Variants in CLDN12 observed in about 807,000 individuals in gnomAD.
CLDN12 encodes the protein claudin-12.
In CLDN12, 9 loss-of-function variants were observed where a neutral mutation model predicts 15.5. That is an observed-to-expected ratio of 0.58 (90% CI 0.35 to 1.02). The LOEUF is 1.02. CLDN12 is among the 50% of genes least tolerant of loss of function. The pLI, the probability that CLDN12 is intolerant of heterozygous loss-of-function variation, is 0.02. For missense variants in CLDN12, 233 were observed against 297.3 expected, an observed-to-expected ratio of 0.78 and a Z score of 1.59; for synonymous variants, 140 against 121.6, an observed-to-expected ratio of 1.15 and a Z score of -1.00.
At chr7:90,410,134 G>C (rs1796930352) in intron 2 of CLDN12, among the ~76,000 whole-genome samples, 1 of 150,976 alleles carries the variant, frequency 6.6e-6, no homozygotes, top group African/African-American at 2.5e-5. Context: ...AAGACCACCA[G>C]AGAGCTGTAT....
intron 2 of CLDN12, among the ~76,000 whole-genome samples, chr7:90,406,944 T>G (rs1438198064): frequency 6.6e-6 from 1 of 152,204 alleles, no homozygotes; most frequent in Non-Finnish European, 1.5e-5. Flanking sequence ...AAAAAAACTA[T>G]ATATTGTTTA....
chr7:90,405,328 TG>T (rs1796813820), intron 1 of CLDN12, among the ~76,000 whole-genome samples, 190 bp from the exon 2 acceptor site: 1 of 152,206 alleles, frequency 6.6e-6, no homozygotes, highest in South Asian at 2.1e-4. Flanking sequence ...CCCAAAGTGT[TG>T]GGATTACAGG....
Position 90,413,120 on chromosome 7 carries a change from C to T in CLDN12, c.444C>T (p.Leu148=). 6.2e-7 allele frequency: 1 copy of T among 1,614,210 alleles called. No individual in the cohort carries two copies. The part of the protein sequence containing the change: ...LLFFLAGTVS[L]SPSIWVIFYN... Reference sequence around the variant, plus strand: ...TTTTCCTGGCAGGTACTGTGAGCCTCTCCCCATCTATCTGGGTCATCTTTT... The same window carrying T: ...TTTTCCTGGCAGGTACTGTGAGCCTTTCCCCATCTATCTGGGTCATCTTTT... The change falls in exon 4 of 4, where the codon CTC becomes CTT. Residue 148 remains leucine (L), a synonymous_variant. Transcript: ENST00000496677.
intron 1 of CLDN12, among the ~76,000 whole-genome samples, chr7:90,404,630 A>G (rs1796797438): frequency 6.6e-6 from 1 of 151,968 alleles, no homozygotes; most frequent in Admixed American, 6.6e-5. Context: ...TGTAAAAGAA[A>G]ATTTCTTTTA....
chr7:90,403,602 G>C (rs940000511), intron 1 of CLDN12, 53 bp downstream of exon 1: 2 of 152,176 alleles, frequency 1.3e-5, no homozygotes, highest in Non-Finnish European at 2.9e-5. Context: ...AAGTAACTGA[G>C]GATTTTATGT....
chr7:90,413,457 T>C lies in CLDN12; in HGVS notation c.*46T>C. 2 of 1,582,782 alleles carry C rather than the reference T, an allele frequency of 1.3e-6. No individual in the cohort carries two copies. Among genetic ancestry groups the C allele is most frequent in the Non-Finnish European group, 1.7e-6 (2 of 1,163,692 alleles). On this transcript the variant is annotated 3_prime_UTR_variant, in exon 4 of 4. Transcript: ENST00000496677. ...AAAGAAAACTTCTTGTAGCCTCACA[T>C]TCCCCTTGTGCAAAGAGCTCTTTTG...
chr7:90,407,472 C>A (rs1023072758), intron 2 of CLDN12, among the ~76,000 whole-genome samples: 5 of 152,138 alleles, frequency 3.3e-5, no homozygotes, highest in Admixed American at 3.3e-4. Context: ...GGAACTGAGA[C>A]TAAATTTCTG....
chr7:90,411,768 G>A (rs1796968453), intron 2 of CLDN12, among the ~76,000 whole-genome samples: 1 of 152,126 alleles, frequency 6.6e-6, no homozygotes, highest in South Asian at 2.1e-4. Context: ...AGTGTGCCTA[G>A]TACATAGGAA....
At chr7:90,410,474 T>A (rs1173992512) in intron 2 of CLDN12, among the ~76,000 whole-genome samples, 1 of 152,248 alleles carries the variant, frequency 6.6e-6, no homozygotes. Flanking sequence ...CATTTATATA[T>A]GCTATTTGTG....
chr7:90,408,235 G>A (rs1796882080), intron 2 of CLDN12, among the ~76,000 whole-genome samples: 1 of 152,254 alleles, frequency 6.6e-6, no homozygotes, highest in East Asian at 1.9e-4. Context: ...AGGCATGGTG[G>A]CTTACTTTTG....
rs978863706 is a variant in CLDN12, at chr7:90,415,027, T to C, written c.*1616T>C. On this transcript the variant is annotated 3_prime_UTR_variant, in exon 4 of 4. Coordinates refer to ENST00000496677, the MANE Select transcript of CLDN12 (RefSeq NM_001185072.3). ...CAGATTTTACAAACAGCTAGTTATATGGTAAACAGATTATTATGCCTTTTT... is the reference window on the plus strand; with the variant it reads ...CAGATTTTACAAACAGCTAGTTATACGGTAAACAGATTATTATGCCTTTTT... 5 of 167,020 alleles carry C rather than the reference T, an allele frequency of 3.0e-5. No homozygotes were observed. The highest frequency in any genetic ancestry group is 4.4e-5 in the Non-Finnish European group (3 of 68,118). 10.3% of individuals were successfully genotyped at this position (167,020 alleles called of 1,614,324 possible). A position where few individuals can be genotyped will look rare whatever the true frequency, so the allele number is the denominator to read the frequency against.
chr7:90,409,507 C>T (rs1178599032), intron 2 of CLDN12, among the ~76,000 whole-genome samples: 3 of 152,188 alleles, frequency 2.0e-5, no homozygotes, highest in South Asian at 2.1e-4. Context: ...CAGGCATGAG[C>T]CAATTCGCCC....
At chr7:90,404,927 A>G (rs1444955939) in intron 1 of CLDN12, among the ~76,000 whole-genome samples, 2 of 149,974 alleles carry the variant, frequency 1.3e-5, no homozygotes, top group East Asian at 1.9e-4. Context: ...GATCATTGCT[A>G]TGTCATCCAG....
chr7:90,411,702 T>G (rs1796967081), intron 2 of CLDN12, among the ~76,000 whole-genome samples: 1 of 151,922 alleles, frequency 6.6e-6, no homozygotes, highest in South Asian at 2.1e-4. Context: ...ATTGTTCTCA[T>G]CTTTTCATTT....
rs1485051455 is a variant in CLDN12, at chr7:90,415,857, A to G, written c.*2446A>G. The stretch of plus-strand genomic sequence containing the variant: ...AAGTTTACTTTACTTGTACATATAC[A>G]CTACAATGGATAGTATATTTGCTGT... On this transcript the variant is annotated 3_prime_UTR_variant, in exon 4 of 4. Transcript: ENST00000496677. 1 of 167,060 alleles carries G rather than the reference A, an allele frequency of 6.0e-6. No homozygotes were observed. Among genetic ancestry groups the G allele is most frequent in the African/African-American group, 2.4e-5 (1 of 41,468 alleles). The allele number at this position is 167,060 out of a possible 1,614,324, so 10.3% of individuals were successfully genotyped here.
Position 90,412,887 on chromosome 7 carries a change from G to A in CLDN12, c.211G>A (p.Asp71Asn), listed in dbSNP as rs368401578. The change falls in exon 4 of 4, where the codon GAC becomes AAC. Residue 71 changes from aspartate (D) to asparagine (N), a missense_variant. Physicochemically the swap from Asp to Asn is conservative, Grantham distance 23. Coordinates refer to ENST00000496677, the MANE Select transcript of CLDN12 (RefSeq NM_001185072.3). Reference protein sequence around the residue: ...YDGSSDCLMYDTTWYSSVDQL... With the variant: ...YDGSSDCLMYNTTWYSSVDQL... ...CGGGAGCAGTGACTGCCTGATGTACGACACTACTTGGTACTCATCAGTTGA... is the reference window on the plus strand; with the variant it reads ...CGGGAGCAGTGACTGCCTGATGTACAACACTACTTGGTACTCATCAGTTGA... 6.2e-6 allele frequency: 10 copies of A among 1,614,200 alleles called. No individual in the cohort carries two copies. Among genetic ancestry groups the A allele is most frequent in the African/African-American group, 2.7e-5 (2 of 75,054 alleles).
At chr7:90,409,369 G>A (rs772799227) in intron 2 of CLDN12, among the ~76,000 whole-genome samples, 3 of 151,986 alleles carry the variant, frequency 2.0e-5, no homozygotes, top group African/African-American at 4.8e-5. Context: ...TTACAGGCAC[G>A]TGCCACCATG....
chr7:90,413,676 C>T lies in CLDN12; in HGVS notation c.*265C>T, dbSNP rs191882778. The T allele has an allele frequency of 2.5e-6, 3 of 1,211,492 alleles. No individual in the cohort carries two copies. In the East Asian group the frequency reaches 1.2e-4, roughly 50 times the overall value. 75.0% of individuals were successfully genotyped at this position (1,211,492 alleles called of 1,614,324 possible). On this transcript the variant is annotated 3_prime_UTR_variant, in exon 4 of 4. Transcript: ENST00000496677. ...TAATTAATTATTTAAGTGGAAGAGG[C>T]CTGCATCACAATTGAGGTAATGTAG...
chr7:90,412,821 A>T lies in CLDN12; in HGVS notation c.145A>T (p.Thr49Ser). 1 of 1,614,170 alleles carries T rather than the reference A, an allele frequency of 6.2e-7. No homozygotes were observed. Among genetic ancestry groups the T allele is most frequent in the Non-Finnish European group, 8.5e-7 (1 of 1,180,026 alleles). Residue 49 changes from threonine to serine, a missense_variant, in exon 4 of 4, where the codon ACT (threonine) becomes TCT (serine). Thr to Ser is a moderately conservative substitution (Grantham distance 58). Coordinates refer to ENST00000496677, the MANE Select transcript of CLDN12 (RefSeq NM_001185072.3). Reference sequence around the variant, plus strand: ...ATTCAACAGAAACGAGAAGAACCTGACTGTTTACACAGGCCTGTGGGTGAA... The same window carrying T: ...ATTCAACAGAAACGAGAAGAACCTGTCTGTTTACACAGGCCTGTGGGTGAA... The part of the protein sequence containing the change: ...ITFNRNEKNL[T>S]VYTGLWVKCA...
Sources: gnomAD v4.1 joint callset for allele counts (sites outside exome capture counted in the v4.1 genomes callset) on GRCh38, gnomAD v4.1.1 for gene constraint, MANE v1.5 for transcripts, NCBI Gene and HGNC (gene_info 2026-07-23, HGNC 2026-07-21) for gene names.